Variants in CPVL observed in about 807,000 individuals in gnomAD.
CPVL encodes carboxypeptidase vitellogenic like.
In CPVL, 51 loss-of-function variants were observed where a neutral mutation model predicts 63.7. The ratio of observed to expected loss-of-function variants is 0.80; its 90% CI spans 0.64 to 1.01. The LOEUF is 1.01. Among genes scored for constraint, CPVL ranks in the 50% least tolerant of loss-of-function variants. The pLI is 0.00. For missense variants in CPVL, 530 were observed against 573.1 expected, an observed-to-expected ratio of 0.92 and a Z score of 0.77; for synonymous variants, 195 against 206.0, an observed-to-expected ratio of 0.95 and a Z score of 0.46.
At chr7:29,093,400 AAAG>A (rs1786046891) in intron 5 of CPVL, among the ~76,000 whole-genome samples, 1 of 133,740 alleles carries the variant, frequency 7.5e-6, no homozygotes, top group Non-Finnish European at 1.6e-5. Flanking sequence ...AAAAAAAAAG[AAAG>A]AAACTCTTTA....
intron 1 of CPVL, chr7:29,192,149 A>T (rs245922): frequency 0.25 from 37,642 of 152,092 alleles, 5,370 homozygotes; most frequent in African/African-American, 0.39. Context: ...CTCCCCCATC[A>T]GCACTTCTCT....
In CPVL at chr7:29,117,927, T is replaced by G. The variant is rs61302774; in HGVS notation, c.169+2966A>C. 1.6e-3 allele frequency among the ~76,000 whole-genome samples: 240 copies of G among 152,322 alleles called. 1 individual carries two copies. The highest frequency in any genetic ancestry group is 5.6e-3 in the African/African-American group (232 of 41,564). ...TTATTATTTTTACAACTACGACAGC[T>G]CTAGTATTTTCTCCCTCGATTATGC... On this transcript the variant is annotated intron_variant, in intron 2 of 12. Coordinates refer to ENST00000265394, the MANE Select transcript of CPVL (RefSeq NM_031311.5).
At chr7:29,112,961 C>A in intron 2 of CPVL, 139 bp from the exon 3 acceptor site, 1 of 606,488 alleles carries the variant, frequency 1.6e-6, no homozygotes, top group Non-Finnish European at 3.0e-6. Context: ...GTTCCTTCAG[C>A]AAATTCCAGC....
intron 11 of CPVL, among the ~76,000 whole-genome samples, chr7:29,050,666 G>A (rs1790058619): frequency 6.6e-6 from 1 of 151,954 alleles, no homozygotes; most frequent in Non-Finnish European, 1.5e-5. Context: ...TGACCATATT[G>A]CCAAAAACAA....
intron 1 of CPVL, among the ~76,000 whole-genome samples, chr7:29,130,863 C>T (rs1270530325): frequency 6.6e-6 from 1 of 152,194 alleles, no homozygotes; most frequent in Non-Finnish European, 1.5e-5. Flanking sequence ...GCATATTTAT[C>T]TGTAAAGAAG....
intron 3 of CPVL, 41 bp downstream of exon 3, chr7:29,112,663 C>T: frequency 2.2e-6 from 3 of 1,342,052 alleles, no homozygotes; most frequent in South Asian, 1.2e-5. Flanking sequence ...AAACGGCAAG[C>T]CAGGTCTTGA....
At chr7:29,017,766 A>T (rs1786559322) in intron 12 of CPVL, among the ~76,000 whole-genome samples, 1 of 152,268 alleles carries the variant, frequency 6.6e-6, no homozygotes, top group Non-Finnish European at 1.5e-5. Flanking sequence ...TAATTATGGT[A>T]GGCATGCATA....
Position 29,034,594 on chromosome 7 carries a change from G to C in CPVL, c.1138-3835C>G, listed in dbSNP as rs570415263. Among the ~76,000 whole-genome samples the C allele has an allele frequency of 1.5e-3, 228 of 152,082 alleles. 2 individuals are homozygous for C. Among genetic ancestry groups the C allele is most frequent in the African/African-American group, 5.3e-3 (219 of 41,456 alleles). On this transcript the variant is annotated intron_variant, in intron 11 of 12. Transcript: ENST00000265394. ...CCCTGCACCCTCCTGACAGGCCCCA[G>C]TATGTGTTGTTCCCCCCATGTGTCC... is the stretch of plus-strand genomic sequence containing the variant.
At chr7:29,020,881 A>AGAT (rs1342944775) in intron 12 of CPVL, among the ~76,000 whole-genome samples, 1 of 152,250 alleles carries the variant, frequency 6.6e-6, no homozygotes, top group African/African-American at 2.4e-5. Flanking sequence ...AATCATATTA[A>AGAT]GATGATGTTA....
intron 6 of CPVL, among the ~76,000 whole-genome samples, chr7:29,090,106 G>T (rs1785618258): frequency 6.6e-6 from 1 of 152,220 alleles, no homozygotes; most frequent in East Asian, 1.9e-4. Flanking sequence ...CAGGTGATCT[G>T]CCTGCCTCGG....
chr7:29,129,933 TAC>T (rs1231486977), intron 1 of CPVL, among the ~76,000 whole-genome samples: 1 of 152,118 alleles, frequency 6.6e-6, no homozygotes, highest in African/African-American at 2.4e-5. Flanking sequence ...GTGATGTATC[TAC>T]AAGCCAAGAA....
At chr7:29,088,838 G>A (rs1176831322) in intron 6 of CPVL, among the ~76,000 whole-genome samples, 1 of 152,136 alleles carries the variant, frequency 6.6e-6, no homozygotes. Flanking sequence ...ATCTGGGTGT[G>A]GTGGTGGGCG....
intron 1 of CPVL, among the ~76,000 whole-genome samples, chr7:29,140,250 C>A (rs891368665): frequency 6.6e-6 from 1 of 152,134 alleles, no homozygotes; most frequent in Non-Finnish European, 1.5e-5. Context: ...GACCAGCCTA[C>A]GCAATGTGGC....
chr7:29,071,707 T>TCTGGC, intron 9 of CPVL, 66 bp downstream of exon 9: 3 of 867,446 alleles, frequency 3.5e-6, no homozygotes, highest in Non-Finnish European at 5.5e-6. Context: ...GTGTTCCTGC[T>TCTGGC]CACCCGCCCT....
At chr7:29,185,438 A>G (rs1415890557) in intron 3 of CPVL, 1 of 152,212 alleles carries the variant, frequency 6.6e-6, no homozygotes, top group Non-Finnish European at 1.5e-5. Flanking sequence ...GCTCTTGATA[A>G]GAATTTGATT....
intron 11 of CPVL, among the ~76,000 whole-genome samples, chr7:29,056,675 A>G (rs549943376): frequency 6.6e-6 from 1 of 152,316 alleles, no homozygotes; most frequent in African/African-American, 2.4e-5. Flanking sequence ...ACAAGCTTAC[A>G]GTTCATTTGG....
intron 12 of CPVL, among the ~76,000 whole-genome samples, chr7:29,016,013 A>G (rs1247697619): frequency 2.0e-5 from 3 of 152,128 alleles, no homozygotes; most frequent in Non-Finnish European, 4.4e-5. Flanking sequence ...CGCCATCCTT[A>G]TCATCTCTTT....
At chr7:29,086,192 T>C (rs1390930840) in intron 7 of CPVL, among the ~76,000 whole-genome samples, 2 of 152,032 alleles carry the variant, frequency 1.3e-5, no homozygotes, top group African/African-American at 4.8e-5. Flanking sequence ...CTCAGGAGGC[T>C]GAGGCAGGAG....
intron 1 of CPVL, chr7:29,127,588 T>G (rs73304122): frequency 2.1e-3 from 314 of 152,286 alleles, no homozygotes; most frequent in Middle Eastern, 0.01. Flanking sequence ...CAGTGAGTAT[T>G]TTAAACAGCA....
Sources: gnomAD v4.1 joint callset for allele counts (sites outside exome capture counted in the v4.1 genomes callset) on GRCh38, gnomAD v4.1.1 for gene constraint, MANE v1.5 for transcripts, NCBI Gene and HGNC (gene_info 2026-07-23, HGNC 2026-07-21) for gene names.